Variants in SYTL5 observed in about 807,000 individuals in gnomAD.
SYTL5 encodes synaptotagmin like 5, also known as synaptotagmin-like protein 5.
Under a neutral mutation model 55.9 loss-of-function variants are expected in SYTL5, and 34 were observed. That is an observed-to-expected ratio of 0.61 (90% confidence interval 0.46 to 0.81). The LOEUF (loss-of-function observed/expected upper bound fraction) is 0.81, where lower values mean the gene tolerates loss of function less well. SYTL5 is among the 30% of genes least tolerant of loss of function. The probability of loss-of-function intolerance (pLI) is 0.00; values close to 1 mark genes in which losing one functional copy is unlikely to be tolerated. For missense variants in SYTL5, 637 were observed against 546.7 expected (o/e 1.17, Z -1.65); for synonymous variants, 221 against 188.7 (o/e 1.17, Z -1.40).
the SYTL5 span, among the ~76,000 whole-genome samples, chrX:37,996,707 C>A: frequency 1.8e-5 from 2 of 112,337 alleles, no homozygotes; most frequent in South Asian, 7.6e-4. Context: ...CGTCTCCCAC[C>A]TAGAGCATCT....
At chrX:37,931,431 T>C in the SYTL5 span, among the ~76,000 whole-genome samples, 5 of 111,819 alleles carry the variant, frequency 4.5e-5, no homozygotes, top group Non-Finnish European at 9.4e-5. Context: ...TGTGAAAATA[T>C]CTTATTTGGT....
rs1012413631 is a variant in SYTL5, at chrX:38,015,586, G to A, written c.-357+8918G>A. 1.2e-3 allele frequency among the ~76,000 whole-genome samples: 129 copies of A among 111,271 alleles called. 1 individual carries two copies. The highest frequency in any genetic ancestry group is 9.3e-3 in the Middle Eastern group (2 of 214). On this transcript the variant is annotated intron_variant, in intron 1 of 16. Transcript: ENST00000297875. Reference sequence around the variant, plus strand: ...TTGAGGTGTCCATTGGAACCCCATAGGACGTTAAAAAAAATCCATGGAACA... The same window carrying A: ...TTGAGGTGTCCATTGGAACCCCATAAGACGTTAAAAAAAATCCATGGAACA...
intron 2 of SYTL5, among the ~76,000 whole-genome samples, chrX:38,043,702 T>TATATATATAC (rs1336463479): frequency 1.1e-4 from 10 of 89,712 alleles, no homozygotes; most frequent in Non-Finnish European, 1.5e-4. Flanking sequence ...CATATATATA[T>TATATATATAC]ACATATTTTC....
At chrX:38,072,732 T>C in intron 4 of SYTL5, among the ~76,000 whole-genome samples, 1 of 112,027 alleles carries the variant, frequency 8.9e-6, no homozygotes, top group Middle Eastern at 4.6e-3. Flanking sequence ...TTGAAATGCA[T>C]AGTCTTACTG....
chrX:37,920,316 C>T, the SYTL5 span, among the ~76,000 whole-genome samples: 5,011 of 110,114 alleles, frequency 0.046, 112 homozygotes, highest in Non-Finnish European at 0.067. Context: ...CACCAAGGTG[C>T]CAAACTGGCA....
chrX:37,983,530 TA>T, the SYTL5 span, among the ~76,000 whole-genome samples: 1 of 112,067 alleles, frequency 8.9e-6, no homozygotes, highest in South Asian at 3.7e-4. Context: ...TATGAAGCAA[TA>T]AATAGACAAT....
chrX:37,991,400 G>T, the SYTL5 span: 1 of 624,760 alleles, frequency 1.6e-6, no homozygotes, highest in South Asian at 3.3e-5. Context: ...CCAGAGAGCT[G>T]AAGGCGGGGA....
At chrX:37,981,908 T>C in the SYTL5 span, among the ~76,000 whole-genome samples, 66 of 111,427 alleles carry the variant, frequency 5.9e-4, no homozygotes, top group South Asian at 1.1e-3. Flanking sequence ...ATCTAACCAG[T>C]CACTAAACAA....
chrX:37,903,816 G>A, the SYTL5 span, among the ~76,000 whole-genome samples: 7 of 111,453 alleles, frequency 6.3e-5, no homozygotes, highest in African/African-American at 2.3e-4. Context: ...TTCAATTGCC[G>A]TCTTCTGGTA....
chrX:38,105,795 T>A lies in SYTL5; in HGVS notation c.1156-798T>A, dbSNP rs141486338. ...GCTGAAACTACAGAAAGTGAAACTG[T>A]GGATAAGGGGGACTACTATAAATTA... On this transcript the variant is annotated intron_variant, in intron 10 of 16. Coordinates refer to ENST00000297875, the MANE Select transcript of SYTL5 (RefSeq NM_138780.3). Among the ~76,000 whole-genome samples the A allele has an allele frequency of 2.3e-3, 255 of 112,433 alleles. 2 individuals are homozygous for A. In the East Asian group the frequency reaches 0.056, roughly 25 times the overall value.
At chrX:37,914,228 A>G in the SYTL5 span, among the ~76,000 whole-genome samples, 1 of 111,712 alleles carries the variant, frequency 9.0e-6, no homozygotes, top group Admixed American at 9.5e-5. Context: ...ATTTCTAGGT[A>G]TATCACCTAG....
At chrX:38,099,688 A>G (rs1208008943) in intron 9 of SYTL5, among the ~76,000 whole-genome samples, 2 of 111,164 alleles carry the variant, frequency 1.8e-5, no homozygotes, top group African/African-American at 3.3e-5. Context: ...TAGCTTTTCA[A>G]TGTTGGGTAT....
chrX:38,016,567 C>T (rs1247073718), intron 1 of SYTL5, among the ~76,000 whole-genome samples: 1 of 111,888 alleles, frequency 8.9e-6, no homozygotes, highest in Non-Finnish European at 1.9e-5. Flanking sequence ...AAGCTGCTCT[C>T]CTGGGTGATA....
chrX:37,895,441 C>CTTCT, the SYTL5 span, among the ~76,000 whole-genome samples: 138 of 91,475 alleles, frequency 1.5e-3, no homozygotes, highest in African/African-American at 5.1e-3. Context: ...TCCTTCCTTC[C>CTTCT]TTCCTTCCTT....
At chrX:37,933,707 T>A in the SYTL5 span, among the ~76,000 whole-genome samples, 1 of 112,037 alleles carries the variant, frequency 8.9e-6, no homozygotes, top group East Asian at 2.8e-4. Context: ...GAAAATGAAA[T>A]GTCCATGGGG....
chrX:38,120,408 TG>T lies in SYTL5; in HGVS notation c.1648del (p.Val550PhefsTer11). The T allele has an allele frequency of 8.3e-7, 1 of 1,211,407 alleles. No individual in the cohort carries two copies. The highest frequency in any genetic ancestry group is 1.1e-6 in the Non-Finnish European group (1 of 895,175). ...GLQYKGELTV[V>X]LRYIPPEENL... Reference sequence around the variant, plus strand: ...TTCAATACAAAGGAGAGCTGACAGTTGTTTTACGTTACATTCCCCCAGAAGA... The same window carrying T: ...TTCAATACAAAGGAGAGCTGACAGTTTTTTACGTTACATTCCCCCAGAAGA... On this transcript the variant is annotated frameshift_variant, in exon 14 of 17. Transcript: ENST00000297875. LOFTEE classifies it high-confidence loss of function.
At chrX:38,111,963 C>T (rs1180916750) in intron 13 of SYTL5, among the ~76,000 whole-genome samples, 1 of 109,376 alleles carries the variant, frequency 9.1e-6, no homozygotes, top group Non-Finnish European at 1.9e-5. Context: ...TCCTAGGCAT[C>T]CTTTGTGCTT....
chrX:37,922,777 A>G, the SYTL5 span, among the ~76,000 whole-genome samples: 4 of 111,486 alleles, frequency 3.6e-5, no homozygotes, highest in Non-Finnish European at 7.5e-5. Flanking sequence ...AGTAAGATTG[A>G]GGAACCCTGG....
chrX:37,970,193 T>C, the SYTL5 span, among the ~76,000 whole-genome samples: 1 of 111,559 alleles, frequency 9.0e-6, no homozygotes, highest in African/African-American at 3.3e-5. Flanking sequence ...CTTTAAAAAT[T>C]CATTTTGCTG....
Sources: allele counts gnomAD v4.1 joint callset (sites outside exome capture counted in the v4.1 genomes callset), GRCh38; gene constraint gnomAD v4.1.1; transcripts MANE v1.5; gene names NCBI Gene and HGNC (gene_info 2026-07-23, HGNC 2026-07-21).